Variants in PPP1R12B observed in about 807,000 individuals in gnomAD.
The protein encoded by PPP1R12B is myosin phosphatase target subunit 2.
Under a neutral mutation model 126.1 loss-of-function variants are expected in PPP1R12B, and 76 were observed. The ratio of observed to expected loss-of-function variants is 0.60; its 90% confidence interval spans 0.50 to 0.73. PPP1R12B has a LOEUF of 0.73. PPP1R12B is among the 30% of genes least tolerant of loss of function. The pLI is 0.00. For missense variants in PPP1R12B, 1,052 were observed against 1,205.1 expected (o/e 0.87, Z 1.88); for synonymous variants, 356 against 434.7 (o/e 0.82, Z 2.25).
chr1:202,393,149 T>C (rs1238170704), intron 1 of PPP1R12B, among the ~76,000 whole-genome samples: 1 of 152,156 alleles, frequency 6.6e-6, no homozygotes, highest in Admixed American at 6.5e-5. Flanking sequence ...GGTTTTGCCA[T>C]GTTGGCCAGG....
At position 202,569,180 on chromosome 1, in the gene PPP1R12B, A is replaced by G. The variant is rs757117719; in HGVS notation, c.2845A>G (p.Met949Val). 16 of 1,613,438 alleles carry G rather than the reference A, an allele frequency of 9.9e-6. No individual in the cohort carries two copies. Among genetic ancestry groups the G allele is most frequent in the Non-Finnish European group, 1.4e-5 (16 of 1,179,424 alleles). The change falls in exon 23 of 24, where the codon ATG becomes GTG. Residue 949 changes from methionine to valine, a missense_variant. Coordinates refer to ENST00000608999, the MANE Select transcript of PPP1R12B (RefSeq NM_002481.4). ...AGCCTTGGAGCGCAAAATGTCAGAA[A>G]TGGAGGAAGAAATGAAGGTATGAAG... ...RRALERKMSE[M>V]EEEMKVLTEL...
At position 202,584,994 on chromosome 1, in the gene PPP1R12B, A is replaced by T. The variant is rs1689735516; in HGVS notation, c.*4434A>T. 6.6e-6 allele frequency: 1 copy of T among 152,240 alleles called. No individual in the cohort carries two copies. The allele number at this position is 152,240 out of a possible 1,614,324, so 9.4% of individuals were successfully genotyped here. A position where few individuals can be genotyped will look rare whatever the true frequency, so the allele number is the denominator to read the frequency against. On this transcript the variant is annotated 3_prime_UTR_variant, in exon 24 of 24. Transcript: ENST00000608999. ...GAGGTCGTGTAATTGGCCTAAATCTAGGCCCAGTTATTACTACAAATCTTA... is the reference window on the plus strand; with the variant it reads ...GAGGTCGTGTAATTGGCCTAAATCTTGGCCCAGTTATTACTACAAATCTTA...
intron 5 of PPP1R12B, among the ~76,000 whole-genome samples, chr1:202,427,550 A>C (rs1188312750): frequency 6.6e-6 from 1 of 152,232 alleles, no homozygotes; most frequent in African/African-American, 2.4e-5. Context: ...ATAATGACAA[A>C]GATCCTTGAG....
Position 202,582,160 on chromosome 1 carries a change from C to G in PPP1R12B, c.*1600C>G, listed in dbSNP as rs1309282713. ...ACTTGAGATATGTGCAGTGGGTGGT[C>G]TCCCCCTCAGTCTTACTTTGAGCTG... On this transcript the variant is annotated 3_prime_UTR_variant, in exon 24 of 24. Transcript: ENST00000608999. The G allele has an allele frequency of 6.6e-6, 1 of 152,166 alleles. No individual in the cohort carries two copies. The highest frequency in any genetic ancestry group is 6.5e-5 in the Admixed American group (1 of 15,282). 9.4% of individuals were successfully genotyped at this position (152,166 alleles called of 1,614,324 possible). A position where few individuals can be genotyped will look rare whatever the true frequency, so the allele number is the denominator to read the frequency against.
chr1:202,565,073 T>C lies in PPP1R12B; in HGVS notation c.2757+526T>C, dbSNP rs1687932307. ...AGCAAAGATTCTGTAGCATATGTTATCTCCCCAAGCCACCACTCTTTTTCA... is the reference window on the plus strand; with the variant it reads ...AGCAAAGATTCTGTAGCATATGTTACCTCCCCAAGCCACCACTCTTTTTCA... On this transcript the variant is annotated intron_variant, in intron 21 of 23. Coordinates refer to ENST00000608999, the MANE Select transcript of PPP1R12B (RefSeq NM_002481.4). This position sits in a 1 kb window ranked among gnomAD's most constrained non-coding sequence, Gnocchi z 4.3. 6.6e-6 allele frequency among the ~76,000 whole-genome samples: 1 copy of C among 152,224 alleles called. No homozygotes were observed. Among genetic ancestry groups the C allele is most frequent in the South Asian group, 2.1e-4 (1 of 4,834 alleles).
At chr1:202,545,431 C>G (rs192133221) in intron 18 of PPP1R12B, among the ~76,000 whole-genome samples, 15 of 152,190 alleles carry the variant, frequency 9.9e-5, no homozygotes, top group Non-Finnish European at 1.9e-4. Flanking sequence ...CTGGGAGCTT[C>G]GAAGACATCA....
chr1:202,437,636 G>A (rs1652567148), intron 9 of PPP1R12B, among the ~76,000 whole-genome samples, 185 bp from the exon 10 acceptor site: 1 of 152,168 alleles, frequency 6.6e-6, no homozygotes. Flanking sequence ...GAAAGAGCCT[G>A]GAGAGGTTAT....
At chr1:202,547,805 TAATC>T (rs1049698050) in intron 18 of PPP1R12B, among the ~76,000 whole-genome samples, 3 of 152,204 alleles carry the variant, frequency 2.0e-5, no homozygotes, top group African/African-American at 7.2e-5. Context: ...AATCTACAAA[TAATC>T]AAAACCCTTT....
At chr1:202,509,704 A>G (rs1681214770) in intron 18 of PPP1R12B, among the ~76,000 whole-genome samples, 1 of 152,158 alleles carries the variant, frequency 6.6e-6, no homozygotes, top group African/African-American at 2.4e-5. Flanking sequence ...GGAGTAGATT[A>G]TGGAATTTAC....
intron 4 of PPP1R12B, among the ~76,000 whole-genome samples, chr1:202,425,974 G>A (rs1469343397): frequency 6.6e-6 from 1 of 152,170 alleles, no homozygotes; most frequent in East Asian, 1.9e-4. Context: ...ATGGTCCTAG[G>A]AGGGGACTTC....
intron 1 of PPP1R12B, among the ~76,000 whole-genome samples, chr1:202,352,607 G>T (rs891995260): frequency 2.0e-5 from 3 of 152,126 alleles, no homozygotes; most frequent in African/African-American, 7.2e-5. Context: ...TCACACTGGC[G>T]GCCGGGGGTG....
chr1:202,405,903 A>G (rs1026476531), intron 1 of PPP1R12B, among the ~76,000 whole-genome samples: 1 of 152,230 alleles, frequency 6.6e-6, no homozygotes, highest in African/African-American at 2.4e-5. Flanking sequence ...CTTGATGAAA[A>G]TATGCTGGGA....
intron 18 of PPP1R12B, among the ~76,000 whole-genome samples, chr1:202,522,004 G>A (rs1314976233): frequency 6.6e-6 from 1 of 152,182 alleles, no homozygotes; most frequent in African/African-American, 2.4e-5. Flanking sequence ...CAAATTGGCA[G>A]TAGGCTTTGG....
At chr1:202,523,078 G>A (rs567019043) in intron 18 of PPP1R12B, among the ~76,000 whole-genome samples, 1 of 152,150 alleles carries the variant, frequency 6.6e-6, no homozygotes, top group Non-Finnish European at 1.5e-5. Context: ...CACACATAGG[G>A]CGTGTGTATT....
At position 202,587,360 on chromosome 1, in the gene PPP1R12B, G is replaced by C. The variant is rs186646590; in HGVS notation, c.*6800G>C. 6.6e-6 allele frequency: 1 copy of C among 152,046 alleles called. No homozygotes were observed. The highest frequency in any genetic ancestry group is 1.9e-4 in the East Asian group (1 of 5,192). 9.4% of individuals were successfully genotyped at this position (152,046 alleles called of 1,614,324 possible). A position where few individuals can be genotyped will look rare whatever the true frequency, so the allele number is the denominator to read the frequency against. On this transcript the variant is annotated 3_prime_UTR_variant, in exon 24 of 24. Coordinates refer to ENST00000608999, the MANE Select transcript of PPP1R12B (RefSeq NM_002481.4). ...GGGTATACCAACCACCACCACCACC[G>C]CCCCCTATTCCAGTTTCAAAGCTCC...
intron 23 of PPP1R12B, among the ~76,000 whole-genome samples, chr1:202,577,834 A>G (rs1219589189): frequency 6.6e-6 from 1 of 152,226 alleles, no homozygotes; most frequent in Non-Finnish European, 1.5e-5. Flanking sequence ...AGAAATGTGT[A>G]CTTAATTTTA....
intron 13 of PPP1R12B, among the ~76,000 whole-genome samples, chr1:202,484,744 G>T (rs1677845956): frequency 6.6e-6 from 1 of 152,152 alleles, no homozygotes; most frequent in Admixed American, 6.5e-5. Context: ...GTGGTTGATA[G>T]CTCTGCTGGA....
intron 1 of PPP1R12B, among the ~76,000 whole-genome samples, chr1:202,404,833 T>C (rs752829951): frequency 1.4e-4 from 22 of 152,218 alleles, no homozygotes; most frequent in Non-Finnish European, 2.4e-4. Flanking sequence ...GTTTTTCCTG[T>C]AGCCCCTCGA....
chr1:202,376,009 T>A (rs1322645962), intron 1 of PPP1R12B, among the ~76,000 whole-genome samples: 2 of 152,246 alleles, frequency 1.3e-5, no homozygotes, highest in Non-Finnish European at 2.9e-5. Context: ...CAGTATCTAT[T>A]AAGTCTTAGG....
Sources: allele counts gnomAD v4.1 joint callset (sites outside exome capture counted in the v4.1 genomes callset), GRCh38; gene constraint gnomAD v4.1.1; non-coding constraint Gnocchi (gnomAD v3.1); transcripts MANE v1.5; gene names NCBI Gene and HGNC (gene_info 2026-07-23, HGNC 2026-07-21).